TRRAP: variants seen among roughly 807,000 people sequenced by gnomAD.
TRRAP encodes transformation/transcription domain-associated protein.
A neutral mutation model predicts 438.8 loss-of-function variants in TRRAP; 41 were observed. The ratio of observed to expected loss-of-function variants is 0.09; its 90% CI spans 0.07 to 0.12. TRRAP has a LOEUF of 0.12. TRRAP is among the 10% of genes least tolerant of loss of function. TRRAP has a pLI of 1.00. For missense variants in TRRAP, 3,122 were observed against 5,055.1 expected (o/e 0.62, Z 11.60); for synonymous variants, 1,994 against 1,962.9 (o/e 1.02, Z -0.42).
chr7:98,918,660 C>A (rs534777136), intron 20 of TRRAP, among the ~76,000 whole-genome samples: 1 of 152,100 alleles, frequency 6.6e-6, no homozygotes, highest in Admixed American at 6.5e-5. Context: ...GATATTGACT[C>A]TAAAGGAAAG....
At chr7:98,884,269 A>G (rs370108455) in intron 3 of TRRAP, among the ~76,000 whole-genome samples, 10 of 152,132 alleles carry the variant, frequency 6.6e-5, no homozygotes, top group African/African-American at 2.2e-4. Flanking sequence ...TGTTTTTAAG[A>G]TAGGGTCTCC....
At chr7:98,992,344 C>T in intron 65 of TRRAP, 117 bp downstream of exon 65, 2 of 1,040,808 alleles carry the variant, frequency 1.9e-6, no homozygotes, top group Non-Finnish European at 2.9e-6. Flanking sequence ...ATAGCCGTGG[C>T]CAATCTCTCC....
chr7:98,982,431 G>A (rs752624026), intron 59 of TRRAP, among the ~76,000 whole-genome samples: 1 of 152,200 alleles, frequency 6.6e-6, no homozygotes, highest in Non-Finnish European at 1.5e-5. Flanking sequence ...TAAGTGTTAT[G>A]TTTAGGAGAT....
At position 98,915,903 on chromosome 7, in the gene TRRAP, T is replaced by G. The variant is rs143896962; in HGVS notation, c.2365+15T>G. On this transcript the variant is annotated intron_variant, in intron 19 of 72. Coordinates refer to ENST00000456197, the MANE Select transcript of TRRAP (RefSeq NM_001375524.1). ...CCTCCTGCAAGGTCAGAGCAGTGACTTTGGTTGCCTTTTAGTCTTGTGTGT... is the reference window on the plus strand; with the variant it reads ...CCTCCTGCAAGGTCAGAGCAGTGACGTTGGTTGCCTTTTAGTCTTGTGTGT... 3.8e-4 allele frequency: 611 copies of G among 1,613,770 alleles called. No homozygotes were observed. The highest frequency in any genetic ancestry group is 5.0e-4 in the Non-Finnish European group (587 of 1,179,816).
intron 23 of TRRAP, among the ~76,000 whole-genome samples, chr7:98,927,844 C>T (rs1452786005): frequency 6.6e-6 from 1 of 152,122 alleles, no homozygotes. Flanking sequence ...GGAACGGCTG[C>T]TCACCTCCGT....
At chr7:98,989,092 C>A in intron 63 of TRRAP, 126 bp downstream of exon 63, 1 of 971,740 alleles carries the variant, frequency 1.0e-6, no homozygotes, top group Non-Finnish European at 1.5e-6. Context: ...AACTCTTAAT[C>A]CTCATCACTG....
chr7:98,912,097 G>C lies in TRRAP; in HGVS notation c.2083G>C (p.Asp695His), dbSNP rs781966134. 6.2e-7 allele frequency: 1 copy of C among 1,614,100 alleles called. No individual in the cohort carries two copies. The highest frequency in any genetic ancestry group is 1.1e-5 in the South Asian group (1 of 91,074). The change falls in exon 18 of 73, where the codon GAT becomes CAT. Residue 695 changes from aspartate to histidine, a missense_variant. Physicochemically the swap from Asp to His is moderately conservative, Grantham distance 81 (BLOSUM62 -1). Coordinates refer to ENST00000456197, the MANE Select transcript of TRRAP (RefSeq NM_001375524.1). ...FATILVEYLL[D>H]RLPEMGSNVE... ...TACGATTCTGGTGGAATATCTCCTT[G>C]ATCGCCTGCCAGAAATGGGCTCCAA...
chr7:98,907,527 T>G (rs1158198360), intron 13 of TRRAP, among the ~76,000 whole-genome samples: 2 of 152,242 alleles, frequency 1.3e-5, no homozygotes, highest in Non-Finnish European at 2.9e-5. Context: ...TTATAAAATA[T>G]TAAGACATTT....
At chr7:98,996,108 A>G (rs969872394) in intron 67 of TRRAP, among the ~76,000 whole-genome samples, 3 of 143,298 alleles carry the variant, frequency 2.1e-5, no homozygotes, top group East Asian at 2.1e-4. Context: ...CTACACACCA[A>G]CGTCCCATCT....
rs184695698 is a variant in TRRAP at position 98,924,849 on chromosome 7, A to G, written c.2824-263A>G. 6.2e-3 allele frequency among the ~76,000 whole-genome samples: 937 copies of G among 150,362 alleles called. 10 individuals carry two copies. The highest frequency in any genetic ancestry group is 0.021 in the African/African-American group (870 of 40,830). ...AAACCCCGACTCTACTAAAAATACA[A>G]AAAACTTAGCTGGGCGTGGTGGCGG... is the stretch of plus-strand genomic sequence containing the variant. On this transcript the variant is annotated intron_variant, in intron 21 of 72. Transcript: ENST00000456197.
intron 41 of TRRAP, among the ~76,000 whole-genome samples, 174 bp downstream of exon 41, chr7:98,955,478 T>A (rs1321132449): frequency 1.3e-5 from 2 of 152,272 alleles, no homozygotes; most frequent in Admixed American, 1.3e-4. Flanking sequence ...TGGAAATTGC[T>A]GTAATATAGA....
chr7:98,943,511 G>A (rs1325532357), intron 31 of TRRAP, among the ~76,000 whole-genome samples: 1 of 152,156 alleles, frequency 6.6e-6, no homozygotes, highest in Non-Finnish European at 1.5e-5. Flanking sequence ...ATAAATACTG[G>A]CACGTGTGTT....
chr7:98,993,837 C>A, intron 66 of TRRAP, 100 bp downstream of exon 66: 1 of 1,208,364 alleles, frequency 8.3e-7, no homozygotes, highest in Non-Finnish European at 1.2e-6. Context: ...AGTTGCCGGT[C>A]CTTTTATATA....
At chr7:99,008,873 C>G (rs1794312195) in intron 70 of TRRAP, among the ~76,000 whole-genome samples, 2 of 152,228 alleles carry the variant, frequency 1.3e-5, no homozygotes, top group Non-Finnish European at 2.9e-5. Context: ...AAGTTTCTGG[C>G]AGGCTCACTT....
At position 98,935,056 on chromosome 7, in the gene TRRAP, C is replaced by T. The variant is rs114385871; in HGVS notation, c.4015-523C>T. On this transcript the variant is annotated intron_variant, in intron 27 of 72. Coordinates refer to ENST00000456197, the MANE Select transcript of TRRAP (RefSeq NM_001375524.1). The stretch of plus-strand genomic sequence containing the variant: ...TAGATAACAGATAGAGAAATATCTA[C>T]TTGTGTGGTAAAATATCTGGAAGGA... Among the ~76,000 whole-genome samples the T allele has an allele frequency of 6.2e-3, 941 of 151,990 alleles. 10 individuals carry two copies. Among genetic ancestry groups the T allele is most frequent in the African/African-American group, 0.021 (877 of 41,418 alleles).
At chr7:98,974,558 C>T (rs368777028) in intron 53 of TRRAP, among the ~76,000 whole-genome samples, 1 of 152,190 alleles carries the variant, frequency 6.6e-6, no homozygotes, top group Admixed American at 6.5e-5. Context: ...TACATCAGAA[C>T]AAGCCATGGA....
rs1554412520 is a variant in TRRAP, at chr7:98,930,193, G to A, written c.3380G>A (p.Gly1127Asp). 1 of 1,614,038 alleles carries A rather than the reference G, an allele frequency of 6.2e-7. No individual in the cohort carries two copies. Among genetic ancestry groups the A allele is most frequent in the African/African-American group, 1.3e-5 (1 of 74,902 alleles). The change falls in exon 24 of 73, where the codon GGC (glycine) becomes GAC (aspartate). Residue 1127 changes from glycine (G) to aspartate (D), a missense_variant. Around this residue, in one of 24 missense-constraint regions of TRRAP, gnomAD observed 153 missense variants for 223.0 expected, o/e 0.69. Transcript: ENST00000456197. ...TTTGATGTTGCAAGTATCATCCTGG[G>A]CTCCAAGGAGAGGGTAAGGAAGGGT... Reference protein sequence around the residue: ...VIFDVASIILGSKERACQLPL... With the variant: ...VIFDVASIILDSKERACQLPL...
At chr7:98,973,932 T>C (rs1279328307) in intron 53 of TRRAP, among the ~76,000 whole-genome samples, 1 of 152,190 alleles carries the variant, frequency 6.6e-6, no homozygotes, top group East Asian at 1.9e-4. Context: ...ATTCTTCCCT[T>C]CTCCTTGGGT....
At position 98,978,263 on chromosome 7, in the gene TRRAP, G is replaced by C. The variant is rs1792760486; in HGVS notation, c.8438G>C (p.Arg2813Thr). 1 of 1,614,074 alleles carries C rather than the reference G, an allele frequency of 6.2e-7. No homozygotes were observed. The highest frequency in any genetic ancestry group is 1.3e-5 in the African/African-American group (1 of 74,920). ...AMDKAKKEHE[R>T]SNASPAIFPE... The stretch of plus-strand genomic sequence containing the variant: ...GATAAAGCCAAAAAAGAACATGAGA[G>C]GAGTAACGCCTCCCCTGCTATTTTC... Residue 2813 changes from arginine to threonine, a missense_variant, in exon 57 of 73, where the codon AGG becomes ACG. Arg to Thr is a moderately conservative substitution (Grantham distance 71). This residue lies in a region of TRRAP where 992 missense variants were observed against 1,281.2 expected (regional missense o/e 0.77). Coordinates refer to ENST00000456197, the MANE Select transcript of TRRAP (RefSeq NM_001375524.1).
Sources: gnomAD v4.1 joint callset for allele counts (sites outside exome capture counted in the v4.1 genomes callset) on GRCh38, gnomAD v4.1.1 for gene constraint, gnomAD v4.1.1 regional missense constraint, MANE v1.5 for transcripts, NCBI Gene and HGNC (gene_info 2026-07-23, HGNC 2026-07-21) for gene names.